Variants in PCTP observed in about 807,000 individuals in gnomAD.
The protein encoded by PCTP is START domain-containing protein 2.
A neutral mutation model predicts 31.0 loss-of-function variants in PCTP; 27 were observed. That is an observed-to-expected ratio of 0.87 (90% CI 0.64 to 1.20). The LOEUF (loss-of-function observed/expected upper bound fraction) is 1.20, where lower values mean the gene tolerates loss of function less well. Among genes scored for constraint, PCTP ranks in the 50% most tolerant of loss-of-function variants. The probability of loss-of-function intolerance (pLI) is 0.00; values close to 1 mark genes in which losing one functional copy is unlikely to be tolerated. For missense variants in PCTP, 287 were observed against 268.2 expected, an observed-to-expected ratio of 1.07 and a Z score of -0.49; for synonymous variants, 108 against 101.2, an observed-to-expected ratio of 1.07 and a Z score of -0.40.
At chr17:55,848,256 A>T in the PCTP span, among the ~76,000 whole-genome samples, 2 of 152,224 alleles carry the variant, frequency 1.3e-5, no homozygotes, top group Non-Finnish European at 2.9e-5. Context: ...AGCCTAGTCA[A>T]GTTGACACAT....
chr17:55,822,203 C>T (rs1468502729), intron 3 of PCTP, among the ~76,000 whole-genome samples: 1 of 152,132 alleles, frequency 6.6e-6, no homozygotes, highest in Non-Finnish European at 1.5e-5. Flanking sequence ...CACCAAGGAA[C>T]ATTTGGATGA....
At chr17:55,839,623 G>T (rs565700835) in intron 5 of PCTP, among the ~76,000 whole-genome samples, 62 of 152,264 alleles carry the variant, frequency 4.1e-4, no homozygotes, top group Non-Finnish European at 6.8e-4. Flanking sequence ...CAAAGGTTTG[G>T]TGATAAACAA....
chr17:55,781,371 A>G (rs771202588), downstream of PCTP, among the ~76,000 whole-genome samples: 20 of 152,220 alleles, frequency 1.3e-4, no homozygotes, highest in African/African-American at 3.4e-4. Context: ...CTATAAATCT[A>G]TTCCCTCTAA....
chr17:55,777,864 AT>A (rs1911419721), downstream of PCTP, among the ~76,000 whole-genome samples: 1 of 152,124 alleles, frequency 6.6e-6, no homozygotes, highest in Non-Finnish European at 1.5e-5. Flanking sequence ...GATAAACTAA[AT>A]CTGAATACTT....
chr17:55,836,866 T>C (rs557213602), intron 5 of PCTP, among the ~76,000 whole-genome samples: 13 of 152,338 alleles, frequency 8.5e-5, no homozygotes, highest in Middle Eastern at 3.4e-3. Context: ...TAATTCTATA[T>C]TTCCTGTTGT....
At chr17:55,835,573 T>G (rs1905751729) in intron 5 of PCTP, among the ~76,000 whole-genome samples, 1 of 152,182 alleles carries the variant, frequency 6.6e-6, no homozygotes, top group Non-Finnish European at 1.5e-5. Context: ...GAAACTTAAA[T>G]ATGGAGGATT....
At chr17:55,793,023 C>T (rs1264026045) in intron 3 of PCTP, among the ~76,000 whole-genome samples, 2 of 152,090 alleles carry the variant, frequency 1.3e-5, no homozygotes, top group Middle Eastern at 3.2e-3. Flanking sequence ...CAACCTCACC[C>T]TGCCATCCCC....
chr17:55,833,068 T>C (rs780106565), intron 5 of PCTP, among the ~76,000 whole-genome samples: 16 of 152,056 alleles, frequency 1.1e-4, no homozygotes, highest in South Asian at 4.1e-4. Context: ...GGGTGTGGAC[T>C]GAGGTGGTTA....
intron 5 of PCTP, among the ~76,000 whole-genome samples, chr17:55,841,672 C>A (rs543076077): frequency 6.6e-6 from 1 of 152,038 alleles, no homozygotes; most frequent in Admixed American, 6.6e-5. Context: ...TGGGTGAGAT[C>A]AAAATAATGA....
downstream of PCTP, among the ~76,000 whole-genome samples, chr17:55,823,828 C>A (rs981253350): frequency 3.3e-5 from 5 of 152,222 alleles, no homozygotes; most frequent in African/African-American, 1.2e-4. Context: ...CCTAGCTGGT[C>A]ACAGCTAGCT....
rs974916517 is a variant in PCTP at position 55,767,253 on chromosome 17, G to C, written c.142-82G>C. ...TGGTAGTTTCTTTTGCTGTGCAGAA[G>C]CTCTTTAGTTTAATTATGTGGAATG... On this transcript the variant is annotated intron_variant, in intron 1 of 5. Coordinates refer to ENST00000268896, the MANE Select transcript of PCTP (RefSeq NM_021213.4). 7 of 783,662 alleles carry C rather than the reference G, an allele frequency of 8.9e-6. No individual in the cohort carries two copies. The Admixed American group carries it at 1.2e-4, about 14-fold the overall frequency. 48.5% of individuals were successfully genotyped at this position (783,662 alleles called of 1,614,324 possible).
intron 3 of PCTP, 141 bp downstream of exon 3, chr17:55,771,326 T>A: frequency 1.5e-6 from 1 of 679,664 alleles, no homozygotes; most frequent in Non-Finnish European, 2.6e-6. Flanking sequence ...CAGCATTTGC[T>A]AAAGATATTG....
intron 2 of PCTP, chr17:55,769,372 A>G (rs1176480652): frequency 2.0e-5 from 3 of 152,276 alleles, no homozygotes; most frequent in Non-Finnish European, 4.4e-5. Context: ...GGGAACAGCC[A>G]GACACTGTCT....
chr17:55,827,967 G>T (rs955150367), downstream of PCTP, among the ~76,000 whole-genome samples: 1 of 152,132 alleles, frequency 6.6e-6, no homozygotes, highest in East Asian at 1.9e-4. Flanking sequence ...TTTTGATAGA[G>T]CTGAATTTTA....
At chr17:55,847,126 G>A (rs1033747811), downstream of PCTP, among the ~76,000 whole-genome samples, 1 of 152,150 alleles carries the variant, frequency 6.6e-6, no homozygotes, top group Non-Finnish European at 1.5e-5. Context: ...CCTTAGTTCT[G>A]CCCTCTAGAA....
intron 5 of PCTP, among the ~76,000 whole-genome samples, chr17:55,833,669 T>C (rs182074095): frequency 6.6e-6 from 1 of 152,346 alleles, no homozygotes; most frequent in East Asian, 1.9e-4. Context: ...TAGATCTCTG[T>C]ATTTTGCAAG....
intron 3 of PCTP, among the ~76,000 whole-genome samples, chr17:55,800,545 G>T (rs1011757164): frequency 6.6e-6 from 1 of 151,926 alleles, no homozygotes; most frequent in East Asian, 1.9e-4. Flanking sequence ...AGAGGAGTTT[G>T]TTATTACCCA....
the PCTP span, among the ~76,000 whole-genome samples, chr17:55,848,246 A>G: frequency 6.6e-6 from 1 of 152,224 alleles, no homozygotes; most frequent in African/African-American, 2.4e-5. Flanking sequence ...AGCAACCTGC[A>G]GCCTAGTCAA....
At chr17:55,783,409 AGG>A in intron 2 of PCTP, among the ~76,000 whole-genome samples, 1 of 152,106 alleles carries the variant, frequency 6.6e-6, no homozygotes, top group East Asian at 1.9e-4. Context: ...AGATATGGGG[AGG>A]GGACTGTGGG....
Sources: allele counts gnomAD v4.1 joint callset (sites outside exome capture counted in the v4.1 genomes callset), GRCh38; gene constraint gnomAD v4.1.1; transcripts MANE v1.5; gene names NCBI Gene and HGNC (gene_info 2026-07-23, HGNC 2026-07-21).